Variants in NAALADL2 observed in about 807,000 individuals in gnomAD.
NAALADL2 encodes N-acetylated alpha-linked acidic dipeptidase like 2.
NAALADL2 carries 76 observed loss-of-function variants against 87.2 expected under a neutral mutation model. That is an observed-to-expected ratio of 0.87 (90% CI 0.72 to 1.05). The LOEUF is 1.05. Ranked by LOEUF, NAALADL2 falls within the 50% of genes least tolerant of loss-of-function variation. NAALADL2 has a pLI of 0.00. For missense variants in NAALADL2, 1,089 were observed against 945.8 expected (o/e 1.15, Z -1.99); for synonymous variants, 354 against 331.0 (o/e 1.07, Z -0.75).
At chr3:174,964,237 C>T (rs1199817505) in intron 1 of NAALADL2, among the ~76,000 whole-genome samples, 1 of 152,034 alleles carries the variant, frequency 6.6e-6, no homozygotes, top group Non-Finnish European at 1.5e-5. Flanking sequence ...GGAAAATGGT[C>T]TCTATTCATA....
At chr3:175,761,841 T>G (rs188966631) in intron 13 of NAALADL2, among the ~76,000 whole-genome samples, 2 of 152,284 alleles carry the variant, frequency 1.3e-5, no homozygotes. Context: ...ATTTTTAAAA[T>G]TGAGGGTTTT....
At chr3:174,441,656 A>G (rs1216030697) in intron 1 of NAALADL2, among the ~76,000 whole-genome samples, 1 of 151,844 alleles carries the variant, frequency 6.6e-6, no homozygotes, top group Non-Finnish European at 1.5e-5. Flanking sequence ...CGTCTGGCTT[A>G]CTACCACATT....
chr3:174,688,633 A>G (rs767435286), intron 2 of NAALADL2, among the ~76,000 whole-genome samples: 9 of 152,078 alleles, frequency 5.9e-5, no homozygotes, highest in Non-Finnish European at 1.2e-4. Flanking sequence ...GAATAAATGA[A>G]GAGACAGTTT....
chr3:175,086,258 T>C (rs1314884879), intron 1 of NAALADL2, among the ~76,000 whole-genome samples: 3 of 152,194 alleles, frequency 2.0e-5, no homozygotes, highest in African/African-American at 7.2e-5. Flanking sequence ...AAGAATGAAA[T>C]GAACTTTTTA....
intron 1 of NAALADL2, among the ~76,000 whole-genome samples, chr3:174,529,210 A>T (rs1277596024): frequency 6.6e-6 from 1 of 152,258 alleles, no homozygotes; most frequent in African/African-American, 2.4e-5. Context: ...CAGAGGGGCT[A>T]CAGGCCCCAT....
At chr3:174,808,753 A>C (rs939224022) in intron 3 of NAALADL2, among the ~76,000 whole-genome samples, 3 of 152,168 alleles carry the variant, frequency 2.0e-5, no homozygotes, top group African/African-American at 4.8e-5. Context: ...TAAACCTTTC[A>C]CAAGCAACTT....
chr3:175,318,655 A>G (rs1309996901), intron 4 of NAALADL2, among the ~76,000 whole-genome samples: 1 of 152,166 alleles, frequency 6.6e-6, no homozygotes, highest in Non-Finnish European at 1.5e-5. Context: ...ATTGAGGCAT[A>G]TTTTGCATAC....
intron 4 of NAALADL2, among the ~76,000 whole-genome samples, chr3:175,297,742 C>T (rs1756558541): frequency 6.6e-6 from 1 of 152,128 alleles, no homozygotes. Context: ...CTAACATACC[C>T]ACATGTAGAC....
At chr3:175,276,297 A>ATTTTT (rs10645974) in intron 4 of NAALADL2, among the ~76,000 whole-genome samples, 2 of 133,566 alleles carry the variant, frequency 1.5e-5, no homozygotes, top group South Asian at 2.4e-4. Context: ...CGCTTTGCAA[A>ATTTTT]TTTTTTTTTT....
At chr3:175,644,247 TCA>T (rs1459828594) in intron 11 of NAALADL2, among the ~76,000 whole-genome samples, 3 of 152,174 alleles carry the variant, frequency 2.0e-5, no homozygotes, top group Non-Finnish European at 4.4e-5. Flanking sequence ...ACTTTTATTT[TCA>T]CTTGTTGAAT....
intron 10 of NAALADL2, among the ~76,000 whole-genome samples, chr3:175,588,994 G>T (rs1471093519): frequency 1.3e-5 from 2 of 152,110 alleles, no homozygotes; most frequent in Admixed American, 6.5e-5. Flanking sequence ...ACCCATAAAT[G>T]GTGTGTGTAT....
chr3:175,669,771 A>C (rs181813377), intron 11 of NAALADL2, among the ~76,000 whole-genome samples: 9 of 152,108 alleles, frequency 5.9e-5, no homozygotes, highest in African/African-American at 2.2e-4. Context: ...AGACAATGAA[A>C]GCAGTATTCA....
chr3:174,854,497 T>C (rs1725628243), upstream of NAALADL2, among the ~76,000 whole-genome samples: 1 of 152,160 alleles, frequency 6.6e-6, no homozygotes, highest in Non-Finnish European at 1.5e-5. Context: ...TGGTTAACAG[T>C]AATTTATTGT....
At chr3:175,700,131 T>C (rs1738783087) in intron 11 of NAALADL2, among the ~76,000 whole-genome samples, 1 of 152,190 alleles carries the variant, frequency 6.6e-6, no homozygotes. Context: ...AAAGTATCTG[T>C]AAAGGCCTTG....
At chr3:174,756,236 T>G (rs565266556) in intron 3 of NAALADL2, among the ~76,000 whole-genome samples, 1 of 152,348 alleles carries the variant, frequency 6.6e-6, no homozygotes, top group East Asian at 1.9e-4. Flanking sequence ...TGTCTCAGGT[T>G]GTTTTCTTCT....
chr3:175,441,290 G>T (rs928651455), intron 5 of NAALADL2, among the ~76,000 whole-genome samples: 1 of 152,084 alleles, frequency 6.6e-6, no homozygotes. Context: ...TGTAGGCATT[G>T]TATTAGGTAT....
At chr3:174,624,337 A>G (rs935519628) in intron 2 of NAALADL2, among the ~76,000 whole-genome samples, 1 of 152,138 alleles carries the variant, frequency 6.6e-6, no homozygotes, top group Admixed American at 6.5e-5. Flanking sequence ...AAATGTTGGC[A>G]TCGGGGCCGG....
intron 2 of NAALADL2, among the ~76,000 whole-genome samples, chr3:174,685,041 A>G (rs1013015650): frequency 6.6e-6 from 1 of 152,038 alleles, no homozygotes; most frequent in Non-Finnish European, 1.5e-5. Flanking sequence ...TTTTTTATCT[A>G]CACTCACTTT....
chr3:175,661,817 T>C (rs1732295517), intron 11 of NAALADL2, among the ~76,000 whole-genome samples: 1 of 152,016 alleles, frequency 6.6e-6, no homozygotes, highest in Admixed American at 6.6e-5. Flanking sequence ...TAAGAGTTTA[T>C]ATCTGGGTTC....
Sources: allele counts gnomAD v4.1 joint callset (sites outside exome capture counted in the v4.1 genomes callset), GRCh38; gene constraint gnomAD v4.1.1; transcripts MANE v1.5; gene names NCBI Gene and HGNC (gene_info 2026-07-23, HGNC 2026-07-21).